The following POT1 variants were observed in gnomAD, a reference collection of about 807,000 sequenced individuals.
The protein encoded by POT1 is protection of telomeres 1, also known as protection of telomeres protein 1.
Under a neutral mutation model 78.5 loss-of-function variants are expected in POT1, and 47 were observed. The ratio of observed to expected loss-of-function variants is 0.60; its 90% CI spans 0.47 to 0.76. The LOEUF (loss-of-function observed/expected upper bound fraction) is 0.76. POT1 is among the 30% of genes least tolerant of loss of function. The pLI, the probability that POT1 is intolerant of heterozygous loss-of-function variation, is 0.00. For missense variants in POT1, 646 were observed against 749.9 expected (o/e 0.86, Z 1.62); for synonymous variants, 259 against 260.7 (o/e 0.99, Z 0.06).
intron 6 of POT1, among the ~76,000 whole-genome samples, chr7:124,883,573 AC>A (rs2116605590): frequency 6.6e-6 from 1 of 152,234 alleles, no homozygotes; most frequent in Non-Finnish European, 1.5e-5. Flanking sequence ...AACAAAGAGG[AC>A]AACCTTACGG....
At position 124,859,095 on chromosome 7, in the gene POT1, C is replaced by A. The variant is rs2116526528; in HGVS notation, c.564G>T (p.Arg188Ser). ...AGACTCTCCAAGATGGAAATGGTGT[C>A]CTGGTGCCATCCCATACCTGCCATA... ...SFLLKVWDGTRTPFPSWRVLI... is the reference protein window; with the variant it reads ...SFLLKVWDGTSTPFPSWRVLI... Residue 188 changes from arginine (R) to serine (S), a missense_variant, in exon 9 of 19, where the codon AGG becomes AGT. Physicochemically the swap from Arg to Ser is moderately radical, Grantham distance 110. Around this residue, in one of 2 missense-constraint regions of POT1, gnomAD observed 252 missense variants for 341.4 expected, o/e 0.74. Transcript: ENST00000357628. The A allele has an allele frequency of 6.3e-7, 1 of 1,598,758 alleles. No individual in the cohort carries two copies. The highest frequency in any genetic ancestry group is 8.5e-7 in the Non-Finnish European group (1 of 1,171,356).
chr7:124,857,556 A>G (rs1270429292), intron 9 of POT1, among the ~76,000 whole-genome samples: 1 of 152,218 alleles, frequency 6.6e-6, no homozygotes, highest in African/African-American at 2.4e-5. Flanking sequence ...GCAGCTGGCC[A>G]TCAGACACTA....
intron 12 of POT1, among the ~76,000 whole-genome samples, chr7:124,844,531 G>A (rs1365109673): frequency 6.7e-6 from 1 of 150,028 alleles, no homozygotes; most frequent in African/African-American, 2.4e-5. Context: ...GGTCAAGAGA[G>A]CGAGACCATC....
chr7:124,868,349 AGG>A (rs1218646736), intron 7 of POT1, among the ~76,000 whole-genome samples: 1 of 152,190 alleles, frequency 6.6e-6, no homozygotes, highest in African/African-American at 2.4e-5. Context: ...AAATCTATAC[AGG>A]AGCCTCACAA....
At chr7:124,913,577 T>C (rs12537983) in intron 3 of POT1, among the ~76,000 whole-genome samples, 48,513 of 152,056 alleles carry the variant, frequency 0.32, 7,772 homozygotes, top group South Asian at 0.4. Context: ...GATTTGCCTC[T>C]GTATCTCTGA....
chr7:124,888,494 T>C (rs1003104770), intron 6 of POT1, among the ~76,000 whole-genome samples: 2 of 152,048 alleles, frequency 1.3e-5, no homozygotes, highest in African/African-American at 2.4e-5. Flanking sequence ...TATTTTTCTA[T>C]AGAAAATGCT....
intron 8 of POT1, among the ~76,000 whole-genome samples, chr7:124,862,958 C>T (rs1795632747): frequency 1.3e-5 from 2 of 151,972 alleles, no homozygotes; most frequent in Admixed American, 6.6e-5. Flanking sequence ...AAGAAGAGAA[C>T]CCAACATCAA....
At chr7:124,868,538 G>C in intron 7 of POT1, among the ~76,000 whole-genome samples, 1 of 151,712 alleles carries the variant, frequency 6.6e-6, no homozygotes. Flanking sequence ...TTGACCATAT[G>C]TTAGAATATA....
intron 8 of POT1, 83 bp from the exon 9 acceptor site, chr7:124,859,195 A>C: frequency 1.9e-6 from 2 of 1,041,264 alleles, no homozygotes; most frequent in Non-Finnish European, 2.7e-6. Context: ...AACAGTATTT[A>C]AAAGTAATTA....
intron 6 of POT1, among the ~76,000 whole-genome samples, chr7:124,874,519 G>A (rs1271209346): frequency 1.3e-5 from 2 of 152,042 alleles, no homozygotes; most frequent in Non-Finnish European, 2.9e-5. Flanking sequence ...GATCATTTGA[G>A]GTCCGCAGTT....
chr7:124,901,455 A>G (rs890538328), intron 3 of POT1, among the ~76,000 whole-genome samples: 1 of 152,208 alleles, frequency 6.6e-6, no homozygotes, highest in Non-Finnish European at 1.5e-5. Flanking sequence ...AAGAAGGAAA[A>G]CTAACAAACA....
chr7:124,892,250 C>T lies in POT1; in HGVS notation c.124+16G>A, dbSNP rs745893357. The T allele has an allele frequency of 6.9e-7, 1 of 1,439,268 alleles. No individual in the cohort carries two copies. Among genetic ancestry groups the T allele is most frequent in the South Asian group, 1.3e-5 (1 of 75,198 alleles). The allele number at this position is 1,439,268 out of a possible 1,614,324, so 89.2% of individuals were successfully genotyped here. ...GCATTTCCACTCCAAAAAACTCCAC[C>T]AGTTTTAATACCTACCAGTTCCTTT... On this transcript the variant is annotated intron_variant, in intron 6 of 18. Transcript: ENST00000357628.
At chr7:124,865,715 A>ATTC (rs1447982214) in intron 7 of POT1, among the ~76,000 whole-genome samples, 1 of 151,064 alleles carries the variant, frequency 6.6e-6, no homozygotes, top group Non-Finnish European at 1.5e-5. Context: ...TATTATTATT[A>ATTC]TTATTATTTT....
intron 11 of POT1, among the ~76,000 whole-genome samples, chr7:124,851,047 C>T (rs1292174297): frequency 6.6e-6 from 1 of 152,002 alleles, no homozygotes; most frequent in Non-Finnish European, 1.5e-5. Flanking sequence ...AGGAGGATTG[C>T]TTGAGACCGG....
chr7:124,878,372 T>C (rs1320048855), intron 6 of POT1, among the ~76,000 whole-genome samples: 4 of 152,054 alleles, frequency 2.6e-5, no homozygotes, highest in Non-Finnish European at 5.9e-5. Flanking sequence ...CCAAAGGATA[T>C]ACAAACTTTC....
At chr7:124,824,455 C>G (rs1417679691) in intron 18 of POT1, among the ~76,000 whole-genome samples, 1 of 151,934 alleles carries the variant, frequency 6.6e-6, no homozygotes, top group Non-Finnish European at 1.5e-5. Flanking sequence ...ACAGTTAACA[C>G]AAATTAAAAC....
intron 17 of POT1, among the ~76,000 whole-genome samples, chr7:124,826,309 G>A (rs1794628351): frequency 6.6e-6 from 1 of 152,140 alleles, no homozygotes; most frequent in South Asian, 2.1e-4. Context: ...GAACTTTCCT[G>A]GACTCTGTCC....
At chr7:124,835,147 A>T in intron 15 of POT1, 132 bp downstream of exon 15, 1 of 1,043,872 alleles carries the variant, frequency 9.6e-7, no homozygotes, top group Non-Finnish European at 1.4e-6. Context: ...AATGCAGGTG[A>T]CGGGTTGATG....
chr7:124,838,725 C>T (rs1038366437), intron 14 of POT1, among the ~76,000 whole-genome samples: 3 of 152,106 alleles, frequency 2.0e-5, no homozygotes, highest in Non-Finnish European at 4.4e-5. Flanking sequence ...ACTGCCTCAG[C>T]CTCCCGAGTA....
Sources: allele counts gnomAD v4.1 joint callset (sites outside exome capture counted in the v4.1 genomes callset), GRCh38; gene constraint gnomAD v4.1.1; regional missense constraint gnomAD v4.1.1; transcripts MANE v1.5; gene names NCBI Gene and HGNC (gene_info 2026-07-23, HGNC 2026-07-21).